Variants in ROS1 observed in about 807,000 individuals in gnomAD.
ROS1 encodes the protein proto-oncogene tyrosine-protein kinase ROS.
A neutral mutation model predicts 273.5 loss-of-function variants in ROS1; 263 were observed. That is an observed-to-expected ratio of 0.96 (90% CI 0.87 to 1.06). The LOEUF is 1.06. ROS1 is among the 50% of genes least tolerant of loss of function. The probability of loss-of-function intolerance (pLI) is 0.00; values close to 1 mark genes in which losing one functional copy is unlikely to be tolerated. For synonymous variants in ROS1, 1,008 were observed against 954.1 expected (o/e 1.06, Z -1.04); for missense variants, 2,833 against 2,751.1 (o/e 1.03, Z -0.67).
In ROS1 at chr6:117,389,917, G is replaced by A. The variant is rs1772921465; in HGVS notation, c.1290-71C>T. The A allele has an allele frequency of 4.4e-6, 6 of 1,352,980 alleles. No homozygotes were observed. In the East Asian group the frequency reaches 6.9e-5, roughly 16 times the overall value. The allele number at this position is 1,352,980 out of a possible 1,614,324, so 83.8% of individuals were successfully genotyped here. On this transcript the variant is annotated intron_variant, in intron 12 of 43. Coordinates refer to ENST00000368507, the MANE Select transcript of ROS1 (RefSeq NM_001378902.1). ...TGATGAGTAACCTCCTCAGCTAATT[G>A]CTTCATTCTGTTGCACAATCAGAAC...
intron 15 of ROS1, 102 bp from the exon 16 acceptor site, chr6:117,385,963 C>T (rs1224655289): frequency 1.2e-6 from 1 of 825,974 alleles, no homozygotes; most frequent in African/African-American, 1.7e-5. Flanking sequence ...TTTTAAACAA[C>T]ACACTGACAC....
intron 4 of ROS1, among the ~76,000 whole-genome samples, chr6:117,411,478 T>C (rs765684668): frequency 2.0e-5 from 3 of 152,160 alleles, no homozygotes; most frequent in Non-Finnish European, 4.4e-5. Flanking sequence ...TCCACGTTAC[T>C]GAGCTGCCAT....
At chr6:117,403,919 C>G (rs1246843887) in intron 6 of ROS1, among the ~76,000 whole-genome samples, 2 of 152,138 alleles carry the variant, frequency 1.3e-5, no homozygotes, top group South Asian at 4.1e-4. Context: ...GGCCTTTACG[C>G]TTATAAGTAA....
intron 21 of ROS1, among the ~76,000 whole-genome samples, chr6:117,363,325 C>T (rs775134828): frequency 3.3e-5 from 5 of 152,170 alleles, no homozygotes; most frequent in Non-Finnish European, 7.4e-5. Flanking sequence ...GAGACCTAGG[C>T]CCTGTCACTC....
intron 31 of ROS1, among the ~76,000 whole-genome samples, chr6:117,338,844 G>C (rs971315290): frequency 1.1e-4 from 17 of 152,100 alleles, no homozygotes; most frequent in African/African-American, 3.9e-4. Flanking sequence ...AGGGGTGAAG[G>C]CTACCATAGA....
chr6:117,295,265 T>G (rs894324420), intron 43 of ROS1, among the ~76,000 whole-genome samples: 3 of 152,222 alleles, frequency 2.0e-5, no homozygotes, highest in Non-Finnish European at 4.4e-5. Context: ...TAAATGCTGC[T>G]GTGAAAACTG....
chr6:117,361,267 C>T (rs1357712676), intron 22 of ROS1, among the ~76,000 whole-genome samples: 1 of 151,724 alleles, frequency 6.6e-6, no homozygotes, highest in Non-Finnish European at 1.5e-5. Flanking sequence ...TGTACAGTAG[C>T]CTGCAAAGAA....
intron 35 of ROS1, among the ~76,000 whole-genome samples, chr6:117,323,744 A>G (rs967916738): frequency 1.3e-5 from 2 of 152,130 alleles, no homozygotes; most frequent in Non-Finnish European, 2.9e-5. Context: ...ATAGCTTTCT[A>G]TCTACCTAAC....
At chr6:117,337,609 T>C (rs551634842) in intron 31 of ROS1, among the ~76,000 whole-genome samples, 3 of 152,214 alleles carry the variant, frequency 2.0e-5, no homozygotes, top group South Asian at 4.1e-4. Context: ...ACGAGGAAGA[T>C]TCAGAGCTAT....
At chr6:117,312,113 T>C (rs1775591329) in intron 39 of ROS1, among the ~76,000 whole-genome samples, 1 of 152,158 alleles carries the variant, frequency 6.6e-6, no homozygotes, top group African/African-American at 2.4e-5. Context: ...TCTCAATCTG[T>C]GCTTCCGTTA....
At chr6:117,341,697 T>C (rs1582674224) in intron 29 of ROS1, 65 bp from the exon 30 acceptor site, 1 of 1,273,086 alleles carries the variant, frequency 7.9e-7, no homozygotes, top group Non-Finnish European at 1.1e-6. Context: ...AAAGAAGTAA[T>C]GGAGTTTGGG....
At chr6:117,379,686 T>C (rs1425257554) in intron 17 of ROS1, among the ~76,000 whole-genome samples, 1 of 152,122 alleles carries the variant, frequency 6.6e-6, no homozygotes, top group African/African-American at 2.4e-5. Flanking sequence ...CTGCACTCTA[T>C]TAATTATGAT....
At position 117,365,727 on chromosome 6, in the gene ROS1, T is replaced by C. The variant is rs764657413; in HGVS notation, c.2812A>G (p.Thr938Ala). Residue 938 changes from threonine (T) to alanine (A), a missense_variant, in exon 20 of 44, where the codon ACC becomes GCC. Transcript: ENST00000368507. ...ACAGAATCTGGAATAACCTTAGGGG[T>C]AAAGGAAAAGTTCCCTACAGGATGA... ...LKPLPGNFSF[T>A]PKVIPDSVQE... 3 of 1,572,962 alleles carry C rather than the reference T, an allele frequency of 1.9e-6. No individual in the cohort carries two copies. Among genetic ancestry groups the C allele is most frequent in the Non-Finnish European group, 2.6e-6 (3 of 1,165,636 alleles).
chr6:117,313,365 C>T (rs1038189150), intron 39 of ROS1, among the ~76,000 whole-genome samples: 2 of 151,954 alleles, frequency 1.3e-5, no homozygotes, highest in Admixed American at 1.3e-4. Context: ...ATCAGGAGTT[C>T]GAGACCAGCC....
chr6:117,310,609 T>C (rs539552262), intron 40 of ROS1, among the ~76,000 whole-genome samples: 34 of 152,236 alleles, frequency 2.2e-4, no homozygotes, highest in African/African-American at 5.8e-4. Flanking sequence ...GTTCTCATTG[T>C]TCAACTCCCA....
At chr6:117,392,890 C>T (rs186610185) in intron 12 of ROS1, among the ~76,000 whole-genome samples, 7 of 152,132 alleles carry the variant, frequency 4.6e-5, no homozygotes, top group Admixed American at 6.6e-5. Flanking sequence ...AGTGTTGAGG[C>T]GGAAAGTGAG....
chr6:117,404,344 G>A lies in ROS1; in HGVS notation c.401C>T (p.Ser134Phe), dbSNP rs775119219. The A allele has an allele frequency of 5.0e-6, 8 of 1,613,858 alleles. No homozygotes were observed. In the Admixed American group the frequency reaches 6.7e-5, roughly 13 times the overall value. Reference sequence around the variant, plus strand: ...CCACTGAATGATGTATTTTACTCCAGAGAAGTTTGCAGATTTCCATCGTAA... The same window carrying A: ...CCACTGAATGATGTATTTTACTCCAAAGAAGTTTGCAGATTTCCATCGTAA... ...MTLRWKSANF[S>F]GVKYIIQWKY... Residue 134 changes from serine (S) to phenylalanine (F), a missense_variant, in exon 6 of 44, where the codon TCT becomes TTT. By Grantham distance (155) the Ser-to-Phe change is radical (BLOSUM62 -2). Transcript: ENST00000368507.
At chr6:117,353,912 C>G (rs1439122256) in intron 26 of ROS1, among the ~76,000 whole-genome samples, 1 of 152,098 alleles carries the variant, frequency 6.6e-6, no homozygotes, top group Non-Finnish European at 1.5e-5. Flanking sequence ...GACAAGAACA[C>G]ATTGAGAGTG....
At position 117,394,757 on chromosome 6, in the gene ROS1, T is replaced by C. The variant is rs1468700390; in HGVS notation, c.884-19A>G. ...TGTTGAACTGAAAAAAACAACACAA[T>C]TTGCAGACAGGTAGACCAACCACAG... On this transcript the variant is annotated intron_variant, in intron 9 of 43. Transcript: ENST00000368507. The C allele has an allele frequency of 3.7e-6, 6 of 1,600,472 alleles. No individual in the cohort carries two copies. The African/African-American group carries it at 6.7e-5, about 18-fold the overall frequency.
Sources: allele counts gnomAD v4.1 joint callset (sites outside exome capture counted in the v4.1 genomes callset), GRCh38; gene constraint gnomAD v4.1.1; transcripts MANE v1.5; gene names NCBI Gene and HGNC (gene_info 2026-07-23, HGNC 2026-07-21).